CATSPERB: variants seen among roughly 807,000 people sequenced by gnomAD.
CATSPERB encodes the protein cation channel sperm-associated auxiliary subunit beta.
In CATSPERB, 93 loss-of-function variants were observed where a neutral mutation model predicts 128.3. The observed-to-expected ratio is 0.72, with a 90% CI of 0.61 to 0.86. The LOEUF is 0.86. Ranked by LOEUF, CATSPERB falls within the 40% of genes least tolerant of loss-of-function variation. The pLI is 0.00. For synonymous variants in CATSPERB, 381 were observed against 448.8 expected (o/e 0.85, Z 1.91); for missense variants, 1,153 against 1,329.5 (o/e 0.87, Z 2.06).
chr14:91,716,758 C>T (rs990693426), intron 5 of CATSPERB, among the ~76,000 whole-genome samples: 1 of 151,798 alleles, frequency 6.6e-6, no homozygotes, highest in Non-Finnish European at 1.5e-5. Context: ...CAGACACACA[C>T]ACATACACTA....
At chr14:91,586,392 C>T (rs1012055679) in intron 26 of CATSPERB, among the ~76,000 whole-genome samples, 1 of 152,124 alleles carries the variant, frequency 6.6e-6, no homozygotes, top group African/African-American at 2.4e-5. Flanking sequence ...CTTCACACTC[C>T]TCATGTGACA....
chr14:91,611,638 C>G (rs1404854173), intron 20 of CATSPERB, among the ~76,000 whole-genome samples: 3 of 151,884 alleles, frequency 2.0e-5, no homozygotes, highest in Admixed American at 6.6e-5. Flanking sequence ...AAAACCAAAA[C>G]CAAAAACAAA....
At chr14:91,594,962 A>G (rs534973412) in intron 22 of CATSPERB, among the ~76,000 whole-genome samples, 1 of 152,316 alleles carries the variant, frequency 6.6e-6, no homozygotes, top group Non-Finnish European at 1.5e-5. Context: ...AAAAGGGGGT[A>G]AAAAGGAAGG....
chr14:91,622,213 T>TC (rs1407935561), intron 18 of CATSPERB, among the ~76,000 whole-genome samples: 2 of 151,778 alleles, frequency 1.3e-5, no homozygotes, highest in East Asian at 3.9e-4. Context: ...AAAGCTGATT[T>TC]TTTTTTTTAC....
intron 2 of CATSPERB, among the ~76,000 whole-genome samples, chr14:91,728,109 T>G (rs1044019800): frequency 6.6e-5 from 10 of 151,862 alleles, no homozygotes; most frequent in Non-Finnish European, 1.3e-4. Flanking sequence ...CCAGTTCAAA[T>G]AGAAATTTGT....
At position 91,674,168 on chromosome 14, in the gene CATSPERB, T is replaced by C. The variant is rs759294023; in HGVS notation, c.978+8A>G. Reference sequence around the variant, plus strand: ...ATTTCTTAACTTATAAAATATTCAATATCATACCTCACTTAGGGTTCTGTT... The same window carrying C: ...ATTTCTTAACTTATAAAATATTCAACATCATACCTCACTTAGGGTTCTGTT... On this transcript the variant is annotated splice_region_variant and intron_variant, in intron 12 of 26. Transcript: ENST00000256343. 8 of 1,465,760 alleles carry C rather than the reference T, an allele frequency of 5.5e-6. No individual in the cohort carries two copies. Among genetic ancestry groups the C allele is most frequent in the Non-Finnish European group, 6.6e-6 (7 of 1,058,634 alleles). 90.8% of individuals were successfully genotyped at this position (1,465,760 alleles called of 1,614,324 possible). A position where few individuals can be genotyped will look rare whatever the true frequency, so the allele number is the denominator to read the frequency against.
At chr14:91,668,040 G>A (rs569564095) in intron 14 of CATSPERB, among the ~76,000 whole-genome samples, 149 of 152,276 alleles carry the variant, frequency 9.8e-4, no homozygotes, top group African/African-American at 3.2e-3. Flanking sequence ...TGGCCCTTTC[G>A]CTGGCCTAAA....
In CATSPERB at chr14:91,621,597, A is replaced by T. The variant is rs766486436; in HGVS notation, c.2260+11T>A. ...TTTCCTTTTTATATTTTCCGATCAA[A>T]ACAAACTTACCTTTTGCATTCCGTA... On this transcript the variant is annotated intron_variant, in intron 19 of 26. Coordinates refer to ENST00000256343, the MANE Select transcript of CATSPERB (RefSeq NM_024764.4). 2 of 1,544,456 alleles carry T rather than the reference A, an allele frequency of 1.3e-6. No individual in the cohort carries two copies. Among genetic ancestry groups the T allele is most frequent in the Non-Finnish European group, 8.7e-7 (1 of 1,143,810 alleles).
Position 91,588,064 on chromosome 14 carries a change from C to T in CATSPERB, c.2971G>A (p.Glu991Lys). ...HNWKLKHTVPENIKRMKQLVE... is the reference protein window; with the variant it reads ...HNWKLKHTVPKNIKRMKQLVE... ...AATTGTTTCATTCTTTTAATATTTT[C>T]TGGCACAGTGTGTTCTAAAAATACA... Residue 991 changes from glutamate (E) to lysine (K), a missense_variant, in exon 25 of 27, where the codon GAA becomes AAA. Transcript: ENST00000256343. 1 of 1,604,010 alleles carries T rather than the reference C, an allele frequency of 6.2e-7. No homozygotes were observed. The highest frequency in any genetic ancestry group is 8.5e-7 in the Non-Finnish European group (1 of 1,172,016).
chr14:91,707,854 A>C (rs1895760927), intron 6 of CATSPERB, among the ~76,000 whole-genome samples: 1 of 146,392 alleles, frequency 6.8e-6, no homozygotes, highest in Admixed American at 6.9e-5. Context: ...TGATCTGCCC[A>C]CCTCGGCCTC....
intron 19 of CATSPERB, among the ~76,000 whole-genome samples, chr14:91,620,802 A>T (rs1894027989): frequency 1.3e-5 from 2 of 152,204 alleles, no homozygotes; most frequent in South Asian, 4.1e-4. Context: ...AGGAAAAGTC[A>T]GTGCCTGTGT....
chr14:91,636,318 G>A (rs145232924), intron 17 of CATSPERB, 107 bp downstream of exon 17: 10,866 of 951,944 alleles, frequency 0.011, 93 homozygotes, highest in Middle Eastern at 0.037. Flanking sequence ...AGCTGTCATC[G>A]CACTACTGCA....
chr14:91,605,124 G>C, intron 22 of CATSPERB: 1 of 1,272,868 alleles, frequency 7.9e-7, no homozygotes, highest in Non-Finnish European at 1.1e-6. Flanking sequence ...GAAGAATCAG[G>C]GCTGTCCTAA....
chr14:91,608,193 C>G, intron 22 of CATSPERB, 101 bp downstream of exon 22: 10 of 700,346 alleles, frequency 1.4e-5, no homozygotes, highest in Non-Finnish European at 2.5e-5. Context: ...ATAATAACAG[C>G]TTCACCTTCT....
chr14:91,688,091 C>A (rs1434289743), intron 10 of CATSPERB, among the ~76,000 whole-genome samples: 1 of 152,106 alleles, frequency 6.6e-6, no homozygotes, highest in African/African-American at 2.4e-5. Flanking sequence ...ATTTTCTTCC[C>A]CTTTATTGAA....
intron 6 of CATSPERB, among the ~76,000 whole-genome samples, chr14:91,706,441 A>G (rs947680003): frequency 6.6e-6 from 1 of 152,234 alleles, no homozygotes; most frequent in Non-Finnish European, 1.5e-5. Context: ...GAAGTCAGGT[A>G]GTATATCTTA....
At chr14:91,683,562 T>C (rs78137494) in intron 11 of CATSPERB, among the ~76,000 whole-genome samples, 27 of 151,516 alleles carry the variant, frequency 1.8e-4, no homozygotes, top group Admixed American at 2.6e-4. Flanking sequence ...TTGAGACAAA[T>C]CAGACATGGA....
intron 2 of CATSPERB, among the ~76,000 whole-genome samples, chr14:91,726,156 A>T (rs1896116505): frequency 6.6e-6 from 1 of 152,180 alleles, no homozygotes; most frequent in South Asian, 2.1e-4. Context: ...GTGCAAACTG[A>T]TTATTCCTGG....
In CATSPERB at chr14:91,648,634, T is replaced by G. The variant is rs1009434747; in HGVS notation, c.1433-9384A>C. On this transcript the variant is annotated intron_variant, in intron 15 of 26. Coordinates refer to ENST00000256343, the MANE Select transcript of CATSPERB (RefSeq NM_024764.4). ...TATGATATATTTGTACTATTTATAT[T>G]TTATCACAGAAAGAACTTTGTTTAT... is the stretch of plus-strand genomic sequence containing the variant. 3.6e-4 allele frequency among the ~76,000 whole-genome samples: 55 copies of G among 152,180 alleles called. 1 individual carries two copies. Among genetic ancestry groups the G allele is most frequent in the Non-Finnish European group, 5.9e-5 (4 of 68,036 alleles).
Sources: gnomAD v4.1 joint callset for allele counts (sites outside exome capture counted in the v4.1 genomes callset) on GRCh38, gnomAD v4.1.1 for gene constraint, MANE v1.5 for transcripts, NCBI Gene and HGNC (gene_info 2026-07-23, HGNC 2026-07-21) for gene names.